The following TMEM9 variants were observed in gnomAD, a reference collection of about 807,000 sequenced individuals.
TMEM9 encodes proton-transporting V-type ATPase complex assembly regulator TMEM9.
In TMEM9, 13 loss-of-function variants were observed where a neutral mutation model predicts 22.8. The observed-to-expected ratio is 0.57, with a 90% confidence interval of 0.37 to 0.91. TMEM9 has a LOEUF of 0.91. Among genes scored for constraint, TMEM9 ranks in the 40% least tolerant of loss-of-function variants. The pLI, the probability that TMEM9 is intolerant of heterozygous loss-of-function variation, is 0.01. For synonymous variants in TMEM9, 88 were observed against 93.0 expected, an observed-to-expected ratio of 0.95 and a Z score of 0.31; for missense variants, 182 against 238.1, an observed-to-expected ratio of 0.76 and a Z score of 1.55.
rs1279510628 is a variant in TMEM9 at position 201,134,928 on chromosome 1, C to T, written c.*735G>A. The T allele has an allele frequency of 2.0e-5, 3 of 152,826 alleles. No individual in the cohort carries two copies. In the East Asian group the frequency reaches 5.7e-4, roughly 29 times the overall value. 9.5% of individuals were successfully genotyped at this position (152,826 alleles called of 1,614,324 possible). Reference sequence around the variant, plus strand: ...TGTGGTGTTCAGATCCACGCTCAGCCTCGAGTCTCATGTTCCAACCGACCG... The same window carrying T: ...TGTGGTGTTCAGATCCACGCTCAGCTTCGAGTCTCATGTTCCAACCGACCG... On this transcript the variant is annotated 3_prime_UTR_variant, in exon 5 of 5. Transcript: ENST00000367330.
intron 1 of TMEM9, among the ~76,000 whole-genome samples, chr1:201,160,707 T>C (rs531010767): frequency 2.0e-5 from 3 of 151,452 alleles, no homozygotes; most frequent in South Asian, 4.2e-4. Context: ...GAGGCTGAGG[T>C]GGGCAGATCA....
intron 1 of TMEM9, among the ~76,000 whole-genome samples, chr1:201,152,409 TTTA>T (rs1465824795): frequency 4.6e-5 from 7 of 152,226 alleles, no homozygotes; most frequent in African/African-American, 9.6e-5. Flanking sequence ...CATAAATGTC[TTTA>T]CTAATTAGGA....
In TMEM9 at chr1:201,135,375, C is replaced by T. The variant is rs369719432; in HGVS notation, c.*288G>A. On this transcript the variant is annotated 3_prime_UTR_variant, in exon 5 of 5. Coordinates refer to ENST00000367330, the MANE Select transcript of TMEM9 (RefSeq NM_001288565.2). The stretch of plus-strand genomic sequence containing the variant: ...TGGAGCCAGGAGAGACAGATCGCAT[C>T]CACTCCTGAGGCCGCCTCGAATGTC... 40 of 275,706 alleles carry T rather than the reference C, an allele frequency of 1.5e-4. No individual in the cohort carries two copies. Among genetic ancestry groups the T allele is most frequent in the Non-Finnish European group, 2.4e-4 (35 of 147,602 alleles). 17.1% of individuals were successfully genotyped at this position (275,706 alleles called of 1,614,324 possible). A position where few individuals can be genotyped will look rare whatever the true frequency, so the allele number is the denominator to read the frequency against.
In TMEM9 at chr1:201,154,030, C is replaced by A; in HGVS notation, c.-107G>T. 7.4e-7 allele frequency: 1 copy of A among 1,350,192 alleles called. No homozygotes were observed. The highest frequency in any genetic ancestry group is 1.5e-5 in the South Asian group (1 of 68,554). The allele number at this position is 1,350,192 out of a possible 1,614,324, so 83.6% of individuals were successfully genotyped here. A position where few individuals can be genotyped will look rare whatever the true frequency, so the allele number is the denominator to read the frequency against. On this transcript the variant is annotated 5_prime_UTR_variant, in exon 1 of 5. Coordinates refer to ENST00000367330, the MANE Select transcript of TMEM9 (RefSeq NM_001288565.2). ...CGCAGCCAGCACGCTAGGCCCTTAA[C>A]CATCCGGCCAAGTGGGAATGGGGTT...
At chr1:201,140,355 G>C (rs1208222978) in intron 4 of TMEM9, among the ~76,000 whole-genome samples, 3 of 152,210 alleles carry the variant, frequency 2.0e-5, no homozygotes, top group Admixed American at 1.3e-4. Flanking sequence ...AGCTCTGTTT[G>C]CCGTTTCTGC....
chr1:201,159,653 A>G (rs747016254), intron 1 of TMEM9, among the ~76,000 whole-genome samples: 6 of 150,068 alleles, frequency 4.0e-5, no homozygotes, highest in Non-Finnish European at 8.8e-5. Flanking sequence ...ACCTCAAGCG[A>G]TCCTTCTGCT....
At chr1:201,144,226 C>G in intron 3 of TMEM9, 1 of 344,956 alleles carries the variant, frequency 2.9e-6, no homozygotes, top group Non-Finnish European at 5.4e-6. Flanking sequence ...AGTCTGGAGC[C>G]TGATGCCGAG....
chr1:201,159,110 A>G (rs1185313860), upstream of TMEM9, among the ~76,000 whole-genome samples: 2 of 152,228 alleles, frequency 1.3e-5, no homozygotes, highest in East Asian at 3.8e-4. Flanking sequence ...TCTTAGACAC[A>G]CTAAAAGATC....
chr1:201,145,421 T>C (rs922897204), intron 3 of TMEM9: 6 of 152,390 alleles, frequency 3.9e-5, no homozygotes, highest in African/African-American at 1.4e-4. Flanking sequence ...CACAGGGCAC[T>C]GGCTGGGAGT....
At position 201,135,604 on chromosome 1, in the gene TMEM9, T is replaced by TCCAGC; in HGVS notation, c.*54_*58dup. On this transcript the variant is annotated 3_prime_UTR_variant, in exon 5 of 5. Transcript: ENST00000367330. ...AAGGGAGAAGTAGCCCCCTGCTTTG[T>TCCAGC]CCAGCCTGGAAGCTGGCAGCCATGG... 6.8e-7 allele frequency: 1 copy of TCCAGC among 1,481,442 alleles called. No individual in the cohort carries two copies. Among genetic ancestry groups the TCCAGC allele is most frequent in the Non-Finnish European group, 9.0e-7 (1 of 1,108,040 alleles). The allele number at this position is 1,481,442 out of a possible 1,614,324, so 91.8% of individuals were successfully genotyped here.
upstream of TMEM9, among the ~76,000 whole-genome samples, chr1:201,155,642 A>G (rs532928297): frequency 5.4e-4 from 82 of 152,258 alleles, no homozygotes; most frequent in African/African-American, 1.9e-3. Context: ...GTGTGATGCA[A>G]AGGTCAGGGG....
At chr1:201,152,477 G>A (rs1665509745) in intron 1 of TMEM9, among the ~76,000 whole-genome samples, 1 of 152,090 alleles carries the variant, frequency 6.6e-6, no homozygotes, top group South Asian at 2.1e-4. Flanking sequence ...TTCAAAGTCT[G>A]GATGATCTTT....
At chr1:201,149,284 C>T (rs1246930736) in intron 2 of TMEM9, among the ~76,000 whole-genome samples, 1 of 152,182 alleles carries the variant, frequency 6.6e-6, no homozygotes, top group Non-Finnish European at 1.5e-5. Flanking sequence ...AAACTGTACT[C>T]TTTTGGGACC....
At chr1:201,169,118 C>T (rs1368415596) in intron 1 of TMEM9, among the ~76,000 whole-genome samples, 1 of 151,676 alleles carries the variant, frequency 6.6e-6, no homozygotes, top group Non-Finnish European at 1.5e-5. Flanking sequence ...TAGAAAATTG[C>T]GGAAACTGCA....
At position 201,135,191 on chromosome 1, in the gene TMEM9, G is replaced by T; in HGVS notation, c.*472C>A. The T allele has an allele frequency of 6.9e-6, 1 of 145,704 alleles. No homozygotes were observed. The highest frequency in any genetic ancestry group is 2.1e-4 in the South Asian group (1 of 4,836). 9.0% of individuals were successfully genotyped at this position (145,704 alleles called of 1,614,324 possible). ...GAGCTGGGGCTGGGGCTGAGGCGCT[G>T]GGGCTGGGAGGGAGGTGGTGATAAG... On this transcript the variant is annotated 3_prime_UTR_variant, in exon 5 of 5. Transcript: ENST00000367330.
intron 1 of TMEM9, among the ~76,000 whole-genome samples, chr1:201,167,144 C>T (rs764542375): frequency 2.0e-5 from 3 of 152,028 alleles, no homozygotes; most frequent in Admixed American, 1.3e-4. Flanking sequence ...TTACTATAAC[C>T]GCCTGATGGG....
chr1:201,158,528 T>A (rs1665861883), upstream of TMEM9, among the ~76,000 whole-genome samples: 2 of 148,758 alleles, frequency 1.3e-5, 1 homozygote, highest in Admixed American at 1.3e-4. Context: ...AGTCAACAGT[T>A]CAGTTTGTCT....
At chr1:201,160,102 C>T (rs1157119720) in intron 1 of TMEM9, among the ~76,000 whole-genome samples, 2 of 152,128 alleles carry the variant, frequency 1.3e-5, no homozygotes, top group East Asian at 1.9e-4. Flanking sequence ...TTTTTCAGCT[C>T]GCAGTAGTGA....
upstream of TMEM9, among the ~76,000 whole-genome samples, chr1:201,158,725 C>A (rs1386961418): frequency 6.6e-6 from 1 of 152,196 alleles, no homozygotes; most frequent in Non-Finnish European, 1.5e-5. Context: ...CCTTCCACTG[C>A]TTCCTCTCAG....
Sources: allele counts gnomAD v4.1 joint callset (sites outside exome capture counted in the v4.1 genomes callset), GRCh38; gene constraint gnomAD v4.1.1; transcripts MANE v1.5; gene names NCBI Gene and HGNC (gene_info 2026-07-23, HGNC 2026-07-21).